The following COMMD10 variants were observed in gnomAD, a reference collection of about 807,000 sequenced individuals.
COMMD10 encodes COMM domain containing 10, also known as COMM domain-containing protein 10.
A neutral mutation model predicts 28.9 loss-of-function variants in COMMD10; 33 were observed. The observed-to-expected ratio is 1.14, with a 90% CI of 0.87 to 1.53. The LOEUF is 1.53. COMMD10 is among the 40% of genes most tolerant of loss of function. The pLI is 0.00. For missense variants in COMMD10, 310 were observed against 233.4 expected, an observed-to-expected ratio of 1.33 and a Z score of -2.14; for synonymous variants, 110 against 81.7, an observed-to-expected ratio of 1.35 and a Z score of -1.87.
intron 5 of COMMD10, among the ~76,000 whole-genome samples, chr5:116,204,783 T>A (rs1383830474): frequency 6.6e-6 from 1 of 152,198 alleles, no homozygotes; most frequent in Non-Finnish European, 1.5e-5. Context: ...CTTGTCAACC[T>A]TTTATTTACT....
At chr5:116,195,803 A>G (rs1334345432) in intron 5 of COMMD10, among the ~76,000 whole-genome samples, 1 of 152,178 alleles carries the variant, frequency 6.6e-6, no homozygotes, top group Non-Finnish European at 1.5e-5. Flanking sequence ...AAAAGAAAAT[A>G]TAACAAATGG....
intron 5 of COMMD10, among the ~76,000 whole-genome samples, chr5:116,286,933 T>G (rs1751233607): frequency 6.6e-6 from 1 of 151,840 alleles, no homozygotes; most frequent in Non-Finnish European, 1.5e-5. Flanking sequence ...ATTCTGTTCA[T>G]TGTTGAAAGT....
At chr5:116,160,671 A>G (rs577691744) in intron 5 of COMMD10, among the ~76,000 whole-genome samples, 1 of 152,294 alleles carries the variant, frequency 6.6e-6, no homozygotes, top group African/African-American at 2.4e-5. Context: ...TGCTGATACT[A>G]GAAACTTCTT....
intron 5 of COMMD10, among the ~76,000 whole-genome samples, chr5:116,136,513 A>G (rs1296660937): frequency 2.6e-5 from 4 of 152,194 alleles, no homozygotes; most frequent in Non-Finnish European, 5.9e-5. Context: ...GAGTTCAGCA[A>G]TGCTTGTCTT....
chr5:116,100,678 G>GA (rs59761979), intron 4 of COMMD10, among the ~76,000 whole-genome samples: 33,616 of 149,760 alleles, frequency 0.22, 4,620 homozygotes, highest in African/African-American at 0.38. Context: ...AGGGCCAATT[G>GA]AAAAAAAAAC....
intron 4 of COMMD10, among the ~76,000 whole-genome samples, chr5:116,116,233 A>T (rs1007555207): frequency 6.6e-6 from 1 of 152,184 alleles, no homozygotes; most frequent in African/African-American, 2.4e-5. Flanking sequence ...TAGTTGTTTC[A>T]TTAATTATTG....
At chr5:116,150,754 T>G (rs1752497683) in intron 5 of COMMD10, among the ~76,000 whole-genome samples, 1 of 128,448 alleles carries the variant, frequency 7.8e-6, no homozygotes, top group Admixed American at 8.1e-5. Flanking sequence ...AAGGAGATTT[T>G]GGGCTGAGAC....
At chr5:116,180,719 T>C (rs1423076405) in intron 5 of COMMD10, among the ~76,000 whole-genome samples, 1 of 152,142 alleles carries the variant, frequency 6.6e-6, no homozygotes, top group African/African-American at 2.4e-5. Flanking sequence ...TTCTTAAAAC[T>C]ATTTTTATAA....
At chr5:116,203,577 G>GC (rs1748730255) in intron 5 of COMMD10, among the ~76,000 whole-genome samples, 1 of 152,098 alleles carries the variant, frequency 6.6e-6, no homozygotes, top group South Asian at 2.1e-4. Context: ...GAGAGTGGGG[G>GC]CCAATATTCA....
intron 5 of COMMD10, among the ~76,000 whole-genome samples, chr5:116,214,663 C>T (rs1749053700): frequency 6.6e-6 from 1 of 152,038 alleles, no homozygotes; most frequent in Non-Finnish European, 1.5e-5. Flanking sequence ...TCTCTTTTTA[C>T]TCTGATCTTT....
intron 1 of COMMD10, among the ~76,000 whole-genome samples, chr5:116,086,020 C>T (rs1750079486): frequency 1.3e-5 from 2 of 152,188 alleles, no homozygotes; most frequent in Non-Finnish European, 1.5e-5. Flanking sequence ...AAACTACCCT[C>T]CACAGTGTGG....
At chr5:116,098,691 C>T (rs1480354085) in intron 4 of COMMD10, among the ~76,000 whole-genome samples, 1 of 152,040 alleles carries the variant, frequency 6.6e-6, no homozygotes, top group African/African-American at 2.4e-5. Context: ...GGTCCTGGAA[C>T]CAGCCCTCGC....
chr5:116,111,176 T>C (rs1012581988), intron 4 of COMMD10, among the ~76,000 whole-genome samples: 7 of 152,150 alleles, frequency 4.6e-5, no homozygotes, highest in African/African-American at 7.2e-5. Flanking sequence ...CTGGTTAGTC[T>C]TGCTAGCACT....
intron 5 of COMMD10, among the ~76,000 whole-genome samples, chr5:116,164,923 G>T (rs1753042396): frequency 6.6e-6 from 1 of 152,180 alleles, no homozygotes; most frequent in African/African-American, 2.4e-5. Context: ...TGAAGTCCTT[G>T]CAGACTAAAG....
At chr5:116,159,622 A>G (rs1752852682) in intron 5 of COMMD10, among the ~76,000 whole-genome samples, 1 of 152,200 alleles carries the variant, frequency 6.6e-6, no homozygotes, top group Non-Finnish European at 1.5e-5. Context: ...TTAAGCCCCT[A>G]AAGTGGTGCC....
chr5:116,188,960 A>G (rs73257243), intron 5 of COMMD10, among the ~76,000 whole-genome samples: 5 of 152,336 alleles, frequency 3.3e-5, no homozygotes, highest in African/African-American at 2.4e-5. Context: ...AGGTTGTGCT[A>G]TCAGACACAT....
intron 5 of COMMD10, among the ~76,000 whole-genome samples, chr5:116,247,939 T>C (rs1158041353): frequency 1.3e-5 from 2 of 151,866 alleles, no homozygotes; most frequent in East Asian, 1.9e-4. Context: ...GTAGCAAATA[T>C]GCACATGTAC....
chr5:116,207,874 C>G (rs183764572), intron 5 of COMMD10, among the ~76,000 whole-genome samples: 16 of 152,216 alleles, frequency 1.1e-4, no homozygotes, highest in Non-Finnish European at 1.9e-4. Context: ...GCCTCCCATT[C>G]TTTCTTTTGG....
At chr5:116,181,247 C>A (rs766341627) in intron 5 of COMMD10, among the ~76,000 whole-genome samples, 1 of 151,924 alleles carries the variant, frequency 6.6e-6, no homozygotes, top group South Asian at 2.1e-4. Context: ...ACATTGAGAT[C>A]TCTGGAAGTA....
Sources: allele counts gnomAD v4.1 joint callset (sites outside exome capture counted in the v4.1 genomes callset), GRCh38; gene constraint gnomAD v4.1.1; transcripts MANE v1.5; gene names NCBI Gene and HGNC (gene_info 2026-07-23, HGNC 2026-07-21).